Variants in EDA observed in about 807,000 individuals in gnomAD.
EDA encodes ectodysplasin A.
Under a neutral mutation model 23.6 loss-of-function variants are expected in EDA, and 2 were observed. The ratio of observed to expected loss-of-function variants is 0.08; its 90% CI spans 0.03 to 0.27. The LOEUF (loss-of-function observed/expected upper bound fraction) is 0.27. Ranked by LOEUF, EDA falls within the 10% of genes least tolerant of loss-of-function variation. The pLI is 1.00. For missense variants in EDA, 229 were observed against 324.2 expected, an observed-to-expected ratio of 0.71 and a Z score of 2.26; for synonymous variants, 131 against 132.0, an observed-to-expected ratio of 0.99 and a Z score of 0.05.
intron 1 of EDA, among the ~76,000 whole-genome samples, chrX:69,862,999 C>T (rs889012450): frequency 3.8e-5 from 4 of 106,052 alleles, no homozygotes; most frequent in Non-Finnish European, 7.8e-5. Context: ...ACACACACCA[C>T]AACAGCACCA....
chrX:69,988,651 T>C (rs1280862551), intron 2 of EDA, among the ~76,000 whole-genome samples: 1 of 111,434 alleles, frequency 9.0e-6, no homozygotes, highest in African/African-American at 3.3e-5. Flanking sequence ...AAGTCAGGGA[T>C]TCGAGACCAG....
chrX:69,720,184 G>A (rs1408346530), intron 1 of EDA, among the ~76,000 whole-genome samples: 1 of 112,079 alleles, frequency 8.9e-6, no homozygotes, highest in Non-Finnish European at 1.9e-5. Flanking sequence ...ATTTGCAGTT[G>A]TTTACTTTGA....
At chrX:69,689,559 A>T (rs1934646735) in intron 1 of EDA, among the ~76,000 whole-genome samples, 1 of 109,762 alleles carries the variant, frequency 9.1e-6, no homozygotes, top group Non-Finnish European at 1.9e-5. Flanking sequence ...CTGGTCTCGA[A>T]CTCCTGACCT....
chrX:69,874,137 C>T (rs1374814733), intron 1 of EDA, among the ~76,000 whole-genome samples: 1 of 110,629 alleles, frequency 9.0e-6, no homozygotes, highest in Non-Finnish European at 1.9e-5. Flanking sequence ...ATGGAGAAAC[C>T]CCATCTCTAC....
chrX:69,731,843 TA>T (rs1413454991), intron 1 of EDA, among the ~76,000 whole-genome samples: 2 of 112,140 alleles, frequency 1.8e-5, no homozygotes, highest in Admixed American at 9.5e-5. Context: ...TTCTTAACCT[TA>T]GGGGAAAAAC....
At chrX:69,990,448 A>ATCTACT (rs1569395530) in intron 2 of EDA, among the ~76,000 whole-genome samples, 5 of 111,175 alleles carry the variant, frequency 4.5e-5, no homozygotes, top group African/African-American at 1.6e-4. Context: ...ACTGATAGCT[A>ATCTACT]GACCAGTTCC....
At chrX:69,858,655 C>T (rs2017310638) in intron 1 of EDA, among the ~76,000 whole-genome samples, 1 of 111,773 alleles carries the variant, frequency 8.9e-6, no homozygotes, top group South Asian at 3.7e-4. Flanking sequence ...AGGATTTCTG[C>T]ATCAATGTTC....
chrX:69,980,782 T>G (rs1217105601), intron 2 of EDA, among the ~76,000 whole-genome samples: 1 of 112,206 alleles, frequency 8.9e-6, no homozygotes, highest in Non-Finnish European at 1.9e-5. Context: ...TTACTCTCAT[T>G]TTACATATAG....
At chrX:69,905,231 A>T (rs2018159627) in intron 1 of EDA, among the ~76,000 whole-genome samples, 1 of 112,173 alleles carries the variant, frequency 8.9e-6, no homozygotes, top group Non-Finnish European at 1.9e-5. Context: ...GATTGATGGG[A>T]GGGACACTGG....
chrX:69,806,110 C>T (rs1028186200), intron 1 of EDA, among the ~76,000 whole-genome samples: 1 of 111,233 alleles, frequency 9.0e-6, no homozygotes, highest in African/African-American at 3.3e-5. Flanking sequence ...GTAAATAAGG[C>T]GGAATTCAAG....
chrX:69,774,405 A>G (rs998447479), intron 1 of EDA, among the ~76,000 whole-genome samples: 1 of 111,259 alleles, frequency 9.0e-6, no homozygotes, highest in African/African-American at 3.3e-5. Context: ...GCTAATCTCT[A>G]CTTGGGTTCT....
chrX:69,686,764 A>C (rs961790624), intron 1 of EDA, among the ~76,000 whole-genome samples: 5 of 111,374 alleles, frequency 4.5e-5, no homozygotes, highest in Admixed American at 1.9e-4. Flanking sequence ...CCTGTATTTC[A>C]TTCTTTTTAT....
intron 2 of EDA, among the ~76,000 whole-genome samples, chrX:69,994,476 A>C (rs766426361): frequency 2.7e-5 from 3 of 112,284 alleles, no homozygotes; most frequent in Non-Finnish European, 3.8e-5. Flanking sequence ...AGAATCACCT[A>C]GGACTTGCTT....
chrX:69,682,636 C>T (rs943889832), intron 1 of EDA, among the ~76,000 whole-genome samples: 1 of 112,059 alleles, frequency 8.9e-6, no homozygotes, highest in Admixed American at 9.4e-5. Flanking sequence ...ACTCCCTGAC[C>T]CCTTGGGCTT....
At chrX:69,701,165 C>T (rs2011522727) in intron 1 of EDA, among the ~76,000 whole-genome samples, 1 of 111,559 alleles carries the variant, frequency 9.0e-6, no homozygotes, top group Non-Finnish European at 1.9e-5. Flanking sequence ...ACCCTTGGCT[C>T]GTATGAAGAG....
At chrX:69,897,805 A>G (rs2018040318) in intron 1 of EDA, among the ~76,000 whole-genome samples, 1 of 111,838 alleles carries the variant, frequency 8.9e-6, no homozygotes, top group Non-Finnish European at 1.9e-5. Context: ...GCAACGTGTC[A>G]GAGCTTGATC....
At chrX:69,665,508 A>G (rs1933653102) in intron 1 of EDA, among the ~76,000 whole-genome samples, 1 of 111,418 alleles carries the variant, frequency 9.0e-6, no homozygotes, top group South Asian at 3.7e-4. Flanking sequence ...ATTCAATTTT[A>G]TTCTTTTGCA....
At chrX:69,728,326 G>A (rs1208487614) in intron 1 of EDA, among the ~76,000 whole-genome samples, 1 of 111,593 alleles carries the variant, frequency 9.0e-6, no homozygotes, top group East Asian at 2.8e-4. Flanking sequence ...TGTTGTAGGG[G>A]AATCATACGA....
At chrX:69,799,109 T>C (rs1180230289) in intron 1 of EDA, among the ~76,000 whole-genome samples, 1 of 111,479 alleles carries the variant, frequency 9.0e-6, no homozygotes, top group African/African-American at 3.3e-5. Context: ...TGGTCTTCAA[T>C]GAATGACACT....
Sources: gnomAD v4.1 joint callset for allele counts (sites outside exome capture counted in the v4.1 genomes callset) on GRCh38, gnomAD v4.1.1 for gene constraint, MANE v1.5 for transcripts, NCBI Gene and HGNC (gene_info 2026-07-23, HGNC 2026-07-21) for gene names.